The following NEB variants were observed in gnomAD, a reference collection of about 807,000 sequenced individuals.
NEB encodes the protein nebulin.
NEB carries 512 observed loss-of-function variants against 952.2 expected under a neutral mutation model. The observed-to-expected ratio is 0.54, with a 90% CI of 0.50 to 0.58. The LOEUF (loss-of-function observed/expected upper bound fraction) is 0.58, where lower values mean the gene tolerates loss of function less well. Among genes scored for constraint, NEB ranks in the 20% least tolerant of loss-of-function variants. NEB has a pLI of 0.00. For synonymous variants in NEB, 2,900 were observed against 3,149.8 expected (o/e 0.92, Z 2.66); for missense variants, 8,428 against 9,231.1 (o/e 0.91, Z 3.56).
intron 19 of NEB, 27 bp from the exon 20 acceptor site, chr2:151,694,463 T>A: frequency 1.2e-6 from 2 of 1,613,064 alleles, no homozygotes; most frequent in Non-Finnish European, 1.7e-6. Flanking sequence ...CATGCCAGAT[T>A]CCACTCAAGA....
At chr2:151,663,399 A>C in intron 45 of NEB, 149 bp downstream of exon 45, 3 of 746,590 alleles carry the variant, frequency 4.0e-6, no homozygotes, top group Non-Finnish European at 4.3e-6. Context: ...GTTAAAGGAC[A>C]TGAATTCAAT....
At chr2:151,520,590 TGTG>T (rs995824457) in intron 153 of NEB, among the ~76,000 whole-genome samples, 9 of 152,250 alleles carry the variant, frequency 5.9e-5, no homozygotes, top group African/African-American at 2.2e-4. Context: ...GATAGCCAGG[TGTG>T]GTGGCTCATG....
chr2:151,578,251 T>C (rs2096953316), intron 105 of NEB, among the ~76,000 whole-genome samples: 1 of 149,928 alleles, frequency 6.7e-6, no homozygotes, highest in African/African-American at 2.4e-5. Flanking sequence ...TTAGGTGAGT[T>C]AATGAAAGAC....
At chr2:151,632,407 G>A (rs2098686751) in intron 65 of NEB, among the ~76,000 whole-genome samples, 1 of 151,932 alleles carries the variant, frequency 6.6e-6, no homozygotes, top group Admixed American at 6.6e-5. Flanking sequence ...CAGGTGTTGG[G>A]GTCCACGCCT....
chr2:151,630,996 C>A, intron 66 of NEB, 147 bp downstream of exon 66: 1 of 1,271,370 alleles, frequency 7.9e-7, no homozygotes, highest in East Asian at 2.3e-5. Flanking sequence ...TTGGAATAAT[C>A]AAAATTATTT....
intron 34 of NEB, among the ~76,000 whole-genome samples, chr2:151,675,668 A>G (rs2099353720): frequency 6.6e-6 from 1 of 152,240 alleles, no homozygotes; most frequent in Non-Finnish European, 1.5e-5. Context: ...CCTAGCAAGA[A>G]TAATAGAATT....
chr2:151,544,611 C>T (rs1473668637), intron 135 of NEB, among the ~76,000 whole-genome samples: 3 of 152,180 alleles, frequency 2.0e-5, no homozygotes. Context: ...GCTGAAATAA[C>T]ACAGTGAAGC....
rs773048804 is a variant in NEB, at chr2:151,610,151, C to T, written c.12019-31G>A. ...ATGCCAGAAATACAGGTGGAGACAT[C>T]CAGTTTTAAAACCATGCTCATGTGC... On this transcript the variant is annotated intron_variant, in intron 80 of 181. Transcript: ENST00000397345. 1.9e-6 allele frequency: 3 copies of T among 1,556,768 alleles called. No homozygotes were observed. The East Asian group carries it at 6.8e-5, about 35-fold the overall frequency.
At position 151,553,851 on chromosome 2, in the gene NEB, T is replaced by C. The variant is rs898837153; in HGVS notation, c.19603A>G (p.Lys6535Glu). The change falls in exon 126 of 182, where the codon AAA becomes GAA. Residue 6535 changes from lysine (K) to glutamate (E), a missense_variant. By Grantham distance (56) the Lys-to-Glu change is moderately conservative. This residue lies in a region of NEB where 3,374 missense variants were observed against 3,651.5 expected (regional missense o/e 0.92). Transcript: ENST00000397345. Reference protein sequence around the residue: ...PDLQVNDHVRKVTDQISDIVY... With the variant: ...PDLQVNDHVREVTDQISDIVY... Reference sequence around the variant, plus strand: ...ACATCGCTGATCTGATCTGTGACTTTCCTGACGTGATCATTGACTTGCAAG... The same window carrying C: ...ACATCGCTGATCTGATCTGTGACTTCCCTGACGTGATCATTGACTTGCAAG... 6.2e-7 allele frequency: 1 copy of C among 1,613,240 alleles called. No individual in the cohort carries two copies. The highest frequency in any genetic ancestry group is 8.5e-7 in the Non-Finnish European group (1 of 1,179,426).
Position 151,485,500 on chromosome 2 carries a change from T to G in NEB, c.*260A>C, listed in dbSNP as rs561703073. 6.2e-6 allele frequency: 2 copies of G among 321,054 alleles called. No individual in the cohort carries two copies. The highest frequency in any genetic ancestry group is 1.1e-5 in the Non-Finnish European group (2 of 177,432). 19.9% of individuals were successfully genotyped at this position (321,054 alleles called of 1,614,324 possible). ...GTTTGGCATATTCAAAATCCCTGTT[T>G]TAGAAAAGAAATAATGTTAAAACAT... On this transcript the variant is annotated 3_prime_UTR_variant, in exon 182 of 182. Coordinates refer to ENST00000397345, the MANE Select transcript of NEB (RefSeq NM_001164508.2).
chr2:151,514,900 G>A lies in NEB; in HGVS notation c.22934C>T (p.Ser7645Phe), dbSNP rs1330691617. ...GCCAGTCAGGTTTCTGCCTTTAATGGACTCTTCATAATCTTTCCTATATTC... is the reference window on the plus strand; with the variant it reads ...GCCAGTCAGGTTTCTGCCTTTAATGAACTCTTCATAATCTTTCCTATATTC... ...GKEYRKDYEESIKGRNLTGLE... is the reference protein window; with the variant it reads ...GKEYRKDYEEFIKGRNLTGLE... Residue 7645 changes from serine to phenylalanine, a missense_variant, in exon 158 of 182, where the codon TCC becomes TTC. This residue lies in a region of NEB where 3,374 missense variants were observed against 3,651.5 expected (regional missense o/e 0.92). Transcript: ENST00000397345. The A allele has an allele frequency of 5.7e-6, 9 of 1,578,846 alleles. No homozygotes were observed. The highest frequency in any genetic ancestry group is 3.4e-6 in the Non-Finnish European group (4 of 1,160,290).
intron 145 of NEB, chr2:151,530,675 T>G: frequency 8.8e-6 from 2 of 226,014 alleles, no homozygotes; most frequent in African/African-American, 2.2e-5. Context: ...AGAGGCCACA[T>G]GAAGGGGTTC....
chr2:151,514,254 T>C (rs2076360441), intron 159 of NEB, 64 bp downstream of exon 159: 1 of 1,155,340 alleles, frequency 8.7e-7, no homozygotes, highest in Admixed American at 1.9e-5. Context: ...TTTTCTGGTG[T>C]AATTTGGCTA....
At chr2:151,689,145 AAAC>A (rs1410578178) in intron 24 of NEB, 10 of 152,116 alleles carry the variant, frequency 6.6e-5, no homozygotes, top group Non-Finnish European at 2.9e-5. Context: ...GCACTAACAA[AAAC>A]AACAATAATT....
Position 151,666,209 on chromosome 2 carries a change from T to C in NEB, c.4912A>G (p.Lys1638Glu), listed in dbSNP as rs1334174405. ...PLDMVSVTAAKKSQEVATNAN... is the reference protein window; with the variant it reads ...PLDMVSVTAAEKSQEVATNAN... ...TTGGTGGCAACCTCCTGAGATTTCT[T>C]TGCAGCTGTCACACTGACCATATCC... The change falls in exon 41 of 182, where the codon AAG (lysine) becomes GAG (glutamate). Residue 1638 changes from lysine to glutamate, a missense_variant. Around this residue, in one of 11 missense-constraint regions of NEB, gnomAD observed 2,851 missense variants for 2,791.5 expected, o/e 1.02. Coordinates refer to ENST00000397345, the MANE Select transcript of NEB (RefSeq NM_001164508.2). 2 of 1,613,850 alleles carry C rather than the reference T, an allele frequency of 1.2e-6. No individual in the cohort carries two copies. The highest frequency in any genetic ancestry group is 1.3e-5 in the African/African-American group (1 of 74,910).
intron 73 of NEB, 95 bp from the exon 74 acceptor site, chr2:151,618,573 T>C (rs1334212579): frequency 3.4e-6 from 4 of 1,185,854 alleles, no homozygotes; most frequent in Admixed American, 4.6e-5. Context: ...AAAATACCGA[T>C]GAATAGTTAA....
Position 151,655,287 on chromosome 2 carries a change from G to T in NEB, c.6790C>A (p.Gln2264Lys). 3 of 1,581,154 alleles carry T rather than the reference G, an allele frequency of 1.9e-6. No homozygotes were observed. Among genetic ancestry groups the T allele is most frequent in the African/African-American group, 1.3e-5 (1 of 74,258 alleles). Residue 2264 changes from glutamine to lysine, a missense_variant, in exon 51 of 182, where the codon CAA becomes AAA. By Grantham distance (53) the Gln-to-Lys change is moderately conservative. Transcript: ENST00000397345. Reference protein sequence around the residue: ...TPDILQAKQNQTLYSQKLYKL... With the variant: ...TPDILQAKQNKTLYSQKLYKL... Reference sequence around the variant, plus strand: ...AAATTTACCTGACTATACAGTGTTTGATTCTGCTTGGCTTGTAAAATATCT... The same window carrying T: ...AAATTTACCTGACTATACAGTGTTTTATTCTGCTTGGCTTGTAAAATATCT...
At chr2:151,594,446 T>G in intron 92 of NEB, 128 bp from the exon 93 acceptor site, 1 of 1,297,398 alleles carries the variant, frequency 7.7e-7, no homozygotes, top group East Asian at 2.5e-5. Flanking sequence ...TGGCAGTCAT[T>G]ACATATTTCA....
At chr2:151,562,559 G>C (rs2096136861) in intron 120 of NEB, 52 bp downstream of exon 120, 2 of 1,472,018 alleles carry the variant, frequency 1.4e-6, no homozygotes, top group Admixed American at 4.4e-5. Flanking sequence ...GGGTAGCCAA[G>C]ACACAGTCAT....
Sources: allele counts gnomAD v4.1 joint callset (sites outside exome capture counted in the v4.1 genomes callset), GRCh38; gene constraint gnomAD v4.1.1; regional missense constraint gnomAD v4.1.1; transcripts MANE v1.5; gene names NCBI Gene and HGNC (gene_info 2026-07-23, HGNC 2026-07-21).